DNTTIP1: variants seen among roughly 807,000 people sequenced by gnomAD.
DNTTIP1 encodes deoxynucleotidyltransferase terminal-interacting protein 1.
DNTTIP1 carries 22 observed loss-of-function variants against 52.9 expected under a neutral mutation model. The ratio of observed to expected loss-of-function variants is 0.42; its 90% confidence interval spans 0.30 to 0.59. DNTTIP1 has a LOEUF of 0.59. Ranked by LOEUF, DNTTIP1 falls within the 20% of genes least tolerant of loss-of-function variation. The pLI is 0.22. For missense variants in DNTTIP1, 286 were observed against 435.5 expected (o/e 0.66, Z 3.06); for synonymous variants, 136 against 155.1 (o/e 0.88, Z 0.92).
At chr20:45,807,208 C>T (rs1469809799) in intron 10 of DNTTIP1, among the ~76,000 whole-genome samples, 1 of 152,012 alleles carries the variant, frequency 6.6e-6, no homozygotes, top group African/African-American at 2.4e-5. Flanking sequence ...CCGCATCCTC[C>T]ACCTCCTGGG....
At chr20:45,793,694 C>T (rs1368867374) in intron 2 of DNTTIP1, among the ~76,000 whole-genome samples, 1 of 151,136 alleles carries the variant, frequency 6.6e-6, no homozygotes, top group African/African-American at 2.4e-5. Context: ...AGTGAGACTC[C>T]GTCTCAAAAA....
At chr20:45,796,761 T>A (rs985879009) in intron 4 of DNTTIP1, among the ~76,000 whole-genome samples, 4 of 152,154 alleles carry the variant, frequency 2.6e-5, no homozygotes, top group Non-Finnish European at 5.9e-5. Context: ...CTGGAACCCC[T>A]CTTGTCGGGG....
Position 45,811,153 on chromosome 20 carries a change from A to C in DNTTIP1, c.948A>C (p.Thr316=). The C allele has an allele frequency of 6.2e-7, 1 of 1,614,084 alleles. No homozygotes were observed. Among genetic ancestry groups the C allele is most frequent in the Non-Finnish European group, 8.5e-7 (1 of 1,179,940 alleles). Residue 316 remains threonine, a synonymous_variant, in exon 13 of 13, where the codon ACA becomes ACC. Coordinates refer to ENST00000372622, the MANE Select transcript of DNTTIP1 (RefSeq NM_052951.3). ...GAAAGTATATGGAGACACTACGGAC[A>C]GAGAATGAGCATCGTGCTGTTGAAG... The part of the protein sequence containing the change: ...KMRKYMETLR[T]ENEHRAVEAP...
At position 45,811,323 on chromosome 20, in the gene DNTTIP1, A is replaced by G. The variant is rs913055438; in HGVS notation, c.*128A>G. On this transcript the variant is annotated 3_prime_UTR_variant, in exon 13 of 13. Coordinates refer to ENST00000372622, the MANE Select transcript of DNTTIP1 (RefSeq NM_052951.3). ...TTAAGCTGTGCCTGAGCGAGTTTGT[A>G]GTGACTCACTGCACAGCACCCCCAG... 1.9e-6 allele frequency: 2 copies of G among 1,062,374 alleles called. No individual in the cohort carries two copies. The highest frequency in any genetic ancestry group is 2.7e-6 in the Non-Finnish European group (2 of 745,148). The allele number at this position is 1,062,374 out of a possible 1,614,324, so 65.8% of individuals were successfully genotyped here. A position where few individuals can be genotyped will look rare whatever the true frequency, so the allele number is the denominator to read the frequency against.
At chr20:45,803,422 AG>A (rs776044666) in intron 8 of DNTTIP1, 44 bp downstream of exon 8, 17 of 1,610,574 alleles carry the variant, frequency 1.1e-5, no homozygotes, top group Non-Finnish European at 1.4e-5. Context: ...CCCAGGAGAT[AG>A]TCCCACTATC....
At chr20:45,800,687 AAAAAAAAATATATATATATATATATAT>A (rs1568707620) in intron 4 of DNTTIP1, among the ~76,000 whole-genome samples, 2 of 59,834 alleles carry the variant, frequency 3.3e-5, no homozygotes, top group African/African-American at 1.8e-4. Context: ...TTTAAAAAAA[AAAAAAAAATATATATATATATATATAT>A]ATATATATAT....
At chr20:45,792,612 C>A in intron 1 of DNTTIP1, 65 bp from the exon 2 acceptor site, 1 of 1,313,848 alleles carries the variant, frequency 7.6e-7, no homozygotes, top group Non-Finnish European at 1.0e-6. Context: ...TCATACCCAC[C>A]CTCCACCTCC....
chr20:45,798,371 T>C (rs1369407613), intron 4 of DNTTIP1, among the ~76,000 whole-genome samples: 3 of 151,340 alleles, frequency 2.0e-5, no homozygotes, highest in Admixed American at 6.6e-5. Flanking sequence ...TTAGGAGATA[T>C]ACCTAATGTT....
intron 4 of DNTTIP1, among the ~76,000 whole-genome samples, chr20:45,800,744 T>C (rs186635489): frequency 0.023 from 2,189 of 94,630 alleles, 127 homozygotes; most frequent in Middle Eastern, 0.078. Context: ...TATATATATA[T>C]ATATATATAT....
At position 45,803,850 on chromosome 20, in the gene DNTTIP1, G is replaced by A. The variant is rs572426005; in HGVS notation, c.603+472G>A. On this transcript the variant is annotated intron_variant, in intron 8 of 12. Coordinates refer to ENST00000372622, the MANE Select transcript of DNTTIP1 (RefSeq NM_052951.3). ...AGACTTGCCCAAAGTCACATAACTC[G>A]TAAGTGATCGAGCTGAGTCTCAAAC... Among the ~76,000 whole-genome samples the A allele has an allele frequency of 1.4e-4, 21 of 152,264 alleles. No individual in the cohort carries two copies. In the South Asian group the frequency reaches 2.9e-3, roughly 21 times the overall value.
intron 3 of DNTTIP1, among the ~76,000 whole-genome samples, chr20:45,794,401 C>G (rs558997285): frequency 2.6e-5 from 4 of 152,118 alleles, no homozygotes; most frequent in African/African-American, 9.6e-5. Flanking sequence ...CCTGCCTTGG[C>G]CTCCCAAAGT....
chr20:45,792,414 A>T (rs1042339379), intron 1 of DNTTIP1: 35 of 468,488 alleles, frequency 7.5e-5, no homozygotes, highest in African/African-American at 6.4e-4. Context: ...ACATCACCTG[A>T]CACAGAGTTG....
Position 45,792,711 on chromosome 20 carries a change from T to A in DNTTIP1, c.140T>A (p.Val47Glu). Residue 47 changes from valine (V) to glutamate (E), a missense_variant, in exon 2 of 13, where the codon GTG (valine) becomes GAG (glutamate). Coordinates refer to ENST00000372622, the MANE Select transcript of DNTTIP1 (RefSeq NM_052951.3). ...AACATAATGATAAAGCACCGGCAGG[T>A]GCAGCGGAGGGGCCGCCGCTCACAG... The part of the protein sequence containing the change: ...PWNIMIKHRQ[V>E]QRRGRRSQMT... 1.2e-6 allele frequency: 2 copies of A among 1,610,666 alleles called. No individual in the cohort carries two copies. The highest frequency in any genetic ancestry group is 1.7e-6 in the Non-Finnish European group (2 of 1,178,776).
At chr20:45,801,268 T>C in intron 5 of DNTTIP1, 126 bp downstream of exon 5, 1 of 1,384,596 alleles carries the variant, frequency 7.2e-7, no homozygotes, top group Non-Finnish European at 1.0e-6. Context: ...CACAGCATCA[T>C]GCTGGATGGG....
intron 3 of DNTTIP1, 115 bp downstream of exon 3, chr20:45,794,132 CTTG>C: frequency 5.1e-6 from 3 of 585,248 alleles, no homozygotes; most frequent in South Asian, 3.8e-5. Flanking sequence ...GTTTTCCTTT[CTTG>C]TTGTTTTTGT....
intron 4 of DNTTIP1, among the ~76,000 whole-genome samples, chr20:45,797,956 A>G (rs1981296880): frequency 6.6e-6 from 1 of 152,188 alleles, no homozygotes; most frequent in South Asian, 2.1e-4. Flanking sequence ...TAGAAATACC[A>G]TTTGACCCAG....
intron 10 of DNTTIP1, among the ~76,000 whole-genome samples, chr20:45,806,096 C>G (rs1001124466): frequency 5.9e-5 from 9 of 151,596 alleles, no homozygotes; most frequent in Non-Finnish European, 1.3e-4. Context: ...TGGCTCACGC[C>G]TGTAATCCCA....
In DNTTIP1 at chr20:45,811,107, C is replaced by T. The variant is rs755717704; in HGVS notation, c.902C>T (p.Ser301Phe). The change falls in exon 13 of 13, where the codon TCC becomes TTC. Residue 301 changes from serine to phenylalanine, a missense_variant. Around this residue, in one of 2 missense-constraint regions of DNTTIP1, gnomAD observed 78 missense variants for 169.0 expected, o/e 0.46. Transcript: ENST00000372622. ...GAATTGAAATCCTTTGTCCTACCCT[C>T]CTGGATGGTGGAGAAGATGAGAAAG... The part of the protein sequence containing the change: ...LEELKSFVLP[S>F]WMVEKMRKYM... 6 of 1,614,066 alleles carry T rather than the reference C, an allele frequency of 3.7e-6. No homozygotes were observed. Among genetic ancestry groups the T allele is most frequent in the Admixed American group, 1.7e-5 (1 of 59,996 alleles).
intron 4 of DNTTIP1, among the ~76,000 whole-genome samples, chr20:45,797,986 A>G (rs946934011): frequency 9.2e-5 from 14 of 152,236 alleles, no homozygotes; most frequent in Admixed American, 3.9e-4. Flanking sequence ...TACTGGGTAT[A>G]TACCCAAAGG....
Sources: gnomAD v4.1 joint callset for allele counts (sites outside exome capture counted in the v4.1 genomes callset) on GRCh38, gnomAD v4.1.1 for gene constraint, gnomAD v4.1.1 regional missense constraint, MANE v1.5 for transcripts, NCBI Gene and HGNC (gene_info 2026-07-23, HGNC 2026-07-21) for gene names.